Variants in SPAM1 observed in about 807,000 individuals in gnomAD.
SPAM1 encodes hyaluronidase PH-20.
A neutral mutation model predicts 29.6 loss-of-function variants in SPAM1; 22 were observed. The ratio of observed to expected loss-of-function variants is 0.74; its 90% CI spans 0.53 to 1.06. The LOEUF is 1.06. Among genes scored for constraint, SPAM1 ranks in the 50% least tolerant of loss-of-function variants. The pLI is 0.00. For synonymous variants in SPAM1, 194 were observed against 204.6 expected (o/e 0.95, Z 0.44); for missense variants, 534 against 604.0 (o/e 0.88, Z 1.21).
downstream of SPAM1, among the ~76,000 whole-genome samples, chr7:123,961,936 G>T (rs973340135): frequency 3.3e-5 from 5 of 151,860 alleles, no homozygotes; most frequent in Non-Finnish European, 7.4e-5. Context: ...TCACTACCAC[G>T]AGAACAGTAG....
At chr7:123,947,286 A>G (rs1398072889) in intron 1 of SPAM1, among the ~76,000 whole-genome samples, 2 of 152,110 alleles carry the variant, frequency 1.3e-5, no homozygotes, top group Admixed American at 6.6e-5. Context: ...GCATGGCTCA[A>G]GCCTGTAATC....
intron 1 of SPAM1, among the ~76,000 whole-genome samples, chr7:123,935,346 A>G (rs1808219561): frequency 6.6e-6 from 1 of 152,154 alleles, no homozygotes; most frequent in South Asian, 2.1e-4. Flanking sequence ...TGTTTTATAT[A>G]CATTATTTCA....
At chr7:123,946,532 G>A (rs1808581041) in intron 1 of SPAM1, among the ~76,000 whole-genome samples, 1 of 152,126 alleles carries the variant, frequency 6.6e-6, no homozygotes, top group Non-Finnish European at 1.5e-5. Context: ...CTGTGACACA[G>A]CTTCATGAGG....
intron 2 of SPAM1, among the ~76,000 whole-genome samples, chr7:123,951,353 A>C (rs1310000616): frequency 6.6e-6 from 1 of 152,038 alleles, no homozygotes; most frequent in Non-Finnish European, 1.5e-5. Flanking sequence ...TAGTCTGTCT[A>C]GGCAAATGTC....
Position 123,959,901 on chromosome 7 carries a change from A to G in SPAM1, c.1462A>G (p.Thr488Ala). 1.2e-6 allele frequency: 2 copies of G among 1,612,710 alleles called. No homozygotes were observed. The highest frequency in any genetic ancestry group is 1.1e-5 in the South Asian group (1 of 90,968). Residue 488 changes from threonine (T) to alanine (A), a missense_variant, in exon 5 of 5, where the codon ACA (threonine) becomes GCA (alanine). Thr to Ala is a moderately conservative substitution (Grantham distance 58). Transcript: ENST00000682466. ...AATTTTCTACAATGCTTCACCCTCCACACTATCTGCCACAATGTTCATTGT... is the reference window on the plus strand; with the variant it reads ...AATTTTCTACAATGCTTCACCCTCCGCACTATCTGCCACAATGTTCATTGT... ...PQIFYNASPS[T>A]LSATMFIVSI...
At chr7:123,933,971 C>T (rs1456133387) in intron 1 of SPAM1, among the ~76,000 whole-genome samples, 1 of 152,068 alleles carries the variant, frequency 6.6e-6, no homozygotes, top group Non-Finnish European at 1.5e-5. Context: ...CACATTACTT[C>T]TTTTCTATGT....
intron 1 of SPAM1, among the ~76,000 whole-genome samples, chr7:123,936,853 G>A (rs1336348268): frequency 6.6e-6 from 1 of 152,180 alleles, no homozygotes; most frequent in Non-Finnish European, 1.5e-5. Flanking sequence ...CAAAACACCA[G>A]CAGTGTCTCA....
At chr7:123,966,023 G>C (rs1172271084) in intron 5 of SPAM1, among the ~76,000 whole-genome samples, 1 of 151,900 alleles carries the variant, frequency 6.6e-6, no homozygotes, top group African/African-American at 2.4e-5. Flanking sequence ...CTGACCATCT[G>C]ACAAAGATCT....
intron 1 of SPAM1, among the ~76,000 whole-genome samples, chr7:123,926,591 GT>G (rs1807892396): frequency 6.6e-6 from 1 of 152,168 alleles, no homozygotes; most frequent in Non-Finnish European, 1.5e-5. Context: ...TGTGTCCAAG[GT>G]GGTCGGGGTA....
chr7:123,936,711 T>C (rs904654059), intron 1 of SPAM1, among the ~76,000 whole-genome samples: 1 of 152,214 alleles, frequency 6.6e-6, no homozygotes, highest in African/African-American at 2.4e-5. Context: ...TTTCACTCTG[T>C]AATGCTCTTT....
chr7:123,934,513 C>T (rs754089453), intron 1 of SPAM1, among the ~76,000 whole-genome samples: 1 of 152,132 alleles, frequency 6.6e-6, no homozygotes, highest in Non-Finnish European at 1.5e-5. Context: ...GAAAGGAAAT[C>T]AGTGTGTTAA....
At chr7:123,958,114 A>G (rs773876813) in intron 4 of SPAM1, among the ~76,000 whole-genome samples, 2 of 151,992 alleles carry the variant, frequency 1.3e-5, no homozygotes, top group Non-Finnish European at 2.9e-5. Context: ...ATTTTTGGGT[A>G]TCAGTTATTC....
chr7:123,959,916 A>C lies in SPAM1; in HGVS notation c.1477A>C (p.Met493Leu). ...TTCACCCTCCACACTATCTGCCACA[A>C]TGTTCATTGTTAGTATTTTGTTTCT... is the stretch of plus-strand genomic sequence containing the variant. ...NASPSTLSATMFIVSILFLII... is the reference protein window; with the variant it reads ...NASPSTLSATLFIVSILFLII... The change falls in exon 5 of 5, where the codon ATG becomes CTG. Residue 493 changes from methionine to leucine, a missense_variant. Coordinates refer to ENST00000682466, the MANE Select transcript of SPAM1 (RefSeq NM_153189.3). The C allele has an allele frequency of 6.2e-7, 1 of 1,612,014 alleles. No individual in the cohort carries two copies. The highest frequency in any genetic ancestry group is 1.1e-5 in the South Asian group (1 of 90,778).
intron 1 of SPAM1, among the ~76,000 whole-genome samples, chr7:123,938,187 C>G (rs1808316520): frequency 6.6e-6 from 1 of 151,678 alleles, no homozygotes; most frequent in Non-Finnish European, 1.5e-5. Flanking sequence ...AGTGCAGTCT[C>G]AAACTCCTGG....
intron 1 of SPAM1, among the ~76,000 whole-genome samples, chr7:123,941,315 T>C: frequency 6.6e-6 from 1 of 152,230 alleles, no homozygotes; most frequent in East Asian, 1.9e-4. Flanking sequence ...CTTGCTTTTA[T>C]ACATTTTAAG....
downstream of SPAM1, among the ~76,000 whole-genome samples, chr7:123,963,740 T>TG (rs11410964): frequency 0.33 from 49,860 of 151,666 alleles, 9,402 homozygotes; most frequent in African/African-American, 0.51. Flanking sequence ...GCCCAATTCT[T>TG]GTAGCAGGAT....
At chr7:123,960,782 C>A (rs1016520677), downstream of SPAM1, among the ~76,000 whole-genome samples, 1 of 151,306 alleles carries the variant, frequency 6.6e-6, no homozygotes, top group Non-Finnish European at 1.5e-5. Context: ...AATTTTTTTG[C>A]GGCATTACAT....
intron 5 of SPAM1, among the ~76,000 whole-genome samples, chr7:123,966,049 C>T (rs1302620485): frequency 6.6e-6 from 1 of 151,780 alleles, no homozygotes; most frequent in Non-Finnish European, 1.5e-5. Flanking sequence ...CTGTAGTCTA[C>T]AAGGAACTTA....
chr7:123,954,549 T>C, intron 3 of SPAM1, 25 bp downstream of exon 3: 5 of 1,431,056 alleles, frequency 3.5e-6, no homozygotes, highest in Non-Finnish European at 3.8e-6. Context: ...GTATGAGGGC[T>C]AGGAAATGAA....
Sources: allele counts gnomAD v4.1 joint callset (sites outside exome capture counted in the v4.1 genomes callset), GRCh38; gene constraint gnomAD v4.1.1; transcripts MANE v1.5; gene names NCBI Gene and HGNC (gene_info 2026-07-23, HGNC 2026-07-21).